The following PDE10A variants were observed in gnomAD, a reference collection of about 807,000 sequenced individuals.
PDE10A encodes the protein phosphodiesterase 10A, also known as cAMP and cAMP-inhibited cGMP 3',5'-cyclic phosphodiesterase 10A.
Under a neutral mutation model 97.7 loss-of-function variants are expected in PDE10A, and 39 were observed. The observed-to-expected ratio is 0.40, with a 90% CI of 0.31 to 0.52. PDE10A has a LOEUF of 0.52. PDE10A is among the 20% of genes least tolerant of loss of function. The probability of loss-of-function intolerance (pLI) is 0.56; values close to 1 mark genes in which losing one functional copy is unlikely to be tolerated. For synonymous variants in PDE10A, 371 were observed against 376.8 expected, an observed-to-expected ratio of 0.98 and a Z score of 0.18; for missense variants, 731 against 1,047.8, an observed-to-expected ratio of 0.70 and a Z score of 4.17.
intron 1 of PDE10A, among the ~76,000 whole-genome samples, chr6:165,799,377 AT>A (rs894748827): frequency 6.0e-5 from 9 of 151,138 alleles, no homozygotes; most frequent in African/African-American, 9.7e-5. Flanking sequence ...TTTGAAGGGC[AT>A]TTTTTTTTGT....
At chr6:165,433,561 T>C (rs1188694329) in intron 6 of PDE10A, among the ~76,000 whole-genome samples, 1 of 152,154 alleles carries the variant, frequency 6.6e-6, no homozygotes, top group Admixed American at 6.5e-5. Flanking sequence ...TTTTTAAGCC[T>C]AGAGTAACAC....
At chr6:165,740,316 A>G (rs12176557) in intron 1 of PDE10A, among the ~76,000 whole-genome samples, 8 of 146,660 alleles carry the variant, frequency 5.5e-5, no homozygotes, top group South Asian at 4.4e-4. Flanking sequence ...TATGGAGAGA[A>G]AGAGAGAGAG....
At chr6:165,886,706 GACTA>G (rs1781641093) in intron 1 of PDE10A, among the ~76,000 whole-genome samples, 2 of 152,172 alleles carry the variant, frequency 1.3e-5, no homozygotes, top group South Asian at 2.1e-4. Flanking sequence ...TGTGAGCACA[GACTA>G]ACTAAGGCCA....
chr6:165,795,118 C>T (rs1190048823), intron 1 of PDE10A, among the ~76,000 whole-genome samples: 1 of 152,202 alleles, frequency 6.6e-6, no homozygotes, highest in African/African-American at 2.4e-5. Context: ...TGGCTCCTGT[C>T]ATCTTCAGGG....
intron 3 of PDE10A, among the ~76,000 whole-genome samples, chr6:165,458,663 G>GCGCA (rs1204942826): frequency 6.6e-6 from 1 of 151,158 alleles, no homozygotes; most frequent in Non-Finnish European, 1.5e-5. Context: ...ACATGGACAG[G>GCGCA]CGCACGCACA....
At chr6:165,401,209 T>G (rs1786635309) in intron 13 of PDE10A, among the ~76,000 whole-genome samples, 1 of 152,212 alleles carries the variant, frequency 6.6e-6, no homozygotes, top group Admixed American at 6.5e-5. Flanking sequence ...CTGCTCTGTC[T>G]TTTTAAGGGT....
In PDE10A at chr6:165,494,913, G is replaced by C. The variant is rs145748000; in HGVS notation, c.995-12570C>G. 1.6e-3 allele frequency among the ~76,000 whole-genome samples: 246 copies of C among 152,092 alleles called. 2 individuals are homozygous for C. Among genetic ancestry groups the C allele is most frequent in the African/African-American group, 5.5e-3 (228 of 41,402 alleles). Reference sequence around the variant, plus strand: ...TCCATCTCAATTTGCCTTTCAGGCTGTAGTTATTTTAATATTTCTAAGTGA... The same window carrying C: ...TCCATCTCAATTTGCCTTTCAGGCTCTAGTTATTTTAATATTTCTAAGTGA... On this transcript the variant is annotated intron_variant, in intron 2 of 21. Coordinates refer to ENST00000539869, the MANE Select transcript of PDE10A (RefSeq NM_001385079.1).
chr6:165,897,226 G>T lies in PDE10A; in HGVS notation c.-615+90303C>A, dbSNP rs117469315. Among the ~76,000 whole-genome samples, 151 of 152,340 alleles carry T rather than the reference G, an allele frequency of 9.9e-4. 3 individuals are homozygous for T. In the East Asian group the frequency reaches 0.025, roughly 25 times the overall value. On this transcript the variant is annotated intron_variant, in intron 1 of 19. Coordinates refer to the PDE10A transcript ENST00000366882. ...CTTTGGTGGAAACAGTGGCCACATGGCTAGGGTCCTGGCAGTGGAGTTTAG... is the reference window on the plus strand; with the variant it reads ...CTTTGGTGGAAACAGTGGCCACATGTCTAGGGTCCTGGCAGTGGAGTTTAG...
At chr6:165,756,749 C>T (rs1793126117) in intron 1 of PDE10A, among the ~76,000 whole-genome samples, 1 of 151,994 alleles carries the variant, frequency 6.6e-6, no homozygotes, top group Non-Finnish European at 1.5e-5. Context: ...CCAAACTGTC[C>T]TCCATCAGCA....
At chr6:165,664,377 CTT>C (rs1398385418), upstream of PDE10A, among the ~76,000 whole-genome samples, 1 of 152,152 alleles carries the variant, frequency 6.6e-6, no homozygotes, top group Non-Finnish European at 1.5e-5. Context: ...GAAAATAACA[CTT>C]TTGTATTTGC....
At chr6:165,715,456 C>A (rs2128447192) in intron 1 of PDE10A, among the ~76,000 whole-genome samples, 1 of 152,290 alleles carries the variant, frequency 6.6e-6, no homozygotes, top group African/African-American at 2.4e-5. Flanking sequence ...CCAAATCGAC[C>A]ATCCAGCAGG....
chr6:165,623,227 G>A (rs960068738), intron 1 of PDE10A, among the ~76,000 whole-genome samples: 4 of 152,128 alleles, frequency 2.6e-5, no homozygotes, highest in East Asian at 3.9e-4. Context: ...CTGGGTTCAC[G>A]TGATTCTCCT....
At chr6:165,556,688 C>A (rs1784271712) in intron 1 of PDE10A, among the ~76,000 whole-genome samples, 4 of 152,176 alleles carry the variant, frequency 2.6e-5, no homozygotes, top group Admixed American at 2.6e-4. Context: ...AGCCACAATG[C>A]ACACAATGAG....
chr6:165,912,688 G>A (rs1782496093), intron 1 of PDE10A, among the ~76,000 whole-genome samples: 1 of 152,194 alleles, frequency 6.6e-6, no homozygotes, highest in Non-Finnish European at 1.5e-5. Flanking sequence ...TGTTGGTGGT[G>A]AGTTTGATGT....
At chr6:165,693,627 T>C (rs1401475166) in intron 1 of PDE10A, among the ~76,000 whole-genome samples, 1 of 151,912 alleles carries the variant, frequency 6.6e-6, no homozygotes, top group African/African-American at 2.4e-5. Flanking sequence ...TGATGCTTTC[T>C]ACACTATTAT....
chr6:165,954,552 A>G (rs1784071578), intron 1 of PDE10A, among the ~76,000 whole-genome samples: 1 of 152,192 alleles, frequency 6.6e-6, no homozygotes, highest in Non-Finnish European at 1.5e-5. Flanking sequence ...TTTTGCTAAG[A>G]TAACAAGAGA....
intron 2 of PDE10A, among the ~76,000 whole-genome samples, chr6:165,493,771 C>T (rs1284251140): frequency 6.6e-6 from 1 of 152,054 alleles, no homozygotes; most frequent in African/African-American, 2.4e-5. Flanking sequence ...TAGGCAAAGA[C>T]TTCATGACCA....
rs557725686 is a variant in PDE10A, at chr6:165,697,934, G to A, written c.-614-154366C>T. Among the ~76,000 whole-genome samples the A allele has an allele frequency of 3.9e-5, 6 of 152,238 alleles. No homozygotes were observed. The South Asian group carries it at 1.2e-3, about 32-fold the overall frequency. On this transcript the variant is annotated intron_variant, in intron 1 of 19. Transcript: ENST00000366882. ...GGAGAAAAGAAGAAAGAGCATCCCT[G>A]GTTTATTCCTGTTACGCCGTCACTG...
At chr6:165,573,453 A>T (rs1271630874) in intron 1 of PDE10A, among the ~76,000 whole-genome samples, 1 of 152,164 alleles carries the variant, frequency 6.6e-6, no homozygotes, top group African/African-American at 2.4e-5. Flanking sequence ...AAATGACCCT[A>T]GTCTACATTT....
Sources: allele counts gnomAD v4.1 joint callset (sites outside exome capture counted in the v4.1 genomes callset), GRCh38; gene constraint gnomAD v4.1.1; transcripts MANE v1.5; gene names NCBI Gene and HGNC (gene_info 2026-07-23, HGNC 2026-07-21).